Variants in MGMT observed in about 807,000 individuals in gnomAD.
The protein encoded by MGMT is O-6-methylguanine-DNA methyltransferase.
Under a neutral mutation model 15.9 loss-of-function variants are expected in MGMT, and 14 were observed. The ratio of observed to expected loss-of-function variants is 0.88; its 90% CI spans 0.58 to 1.37. MGMT has a LOEUF of 1.37. Among genes scored for constraint, MGMT ranks in the 40% most tolerant of loss-of-function variants. The probability of loss-of-function intolerance (pLI) is 0.00; values close to 1 mark genes in which losing one functional copy is unlikely to be tolerated. For missense variants in MGMT, 282 were observed against 268.1 expected, an observed-to-expected ratio of 1.05 and a Z score of -0.36; for synonymous variants, 130 against 118.2, an observed-to-expected ratio of 1.10 and a Z score of -0.65.
chr10:129,699,953 T>TA (rs1229067501), intron 2 of MGMT, among the ~76,000 whole-genome samples: 16 of 150,810 alleles, frequency 1.1e-4, no homozygotes, highest in Non-Finnish European at 1.5e-4. Flanking sequence ...CAGAAAGTTT[T>TA]AAAAAAAAAA....
At chr10:129,549,341 T>G (rs1207874124) in intron 2 of MGMT, among the ~76,000 whole-genome samples, 1 of 152,206 alleles carries the variant, frequency 6.6e-6, no homozygotes, top group Non-Finnish European at 1.5e-5. Context: ...TGCCTGCAGA[T>G]CCGTGTGCTT....
At chr10:129,523,106 C>T (rs1003489420) in intron 1 of MGMT, among the ~76,000 whole-genome samples, 1 of 152,260 alleles carries the variant, frequency 6.6e-6, no homozygotes, top group African/African-American at 2.4e-5. Flanking sequence ...GACAGACTGT[C>T]ACTGTGCAGC....
At chr10:129,506,569 C>T (rs1228300220) in intron 1 of MGMT, among the ~76,000 whole-genome samples, 1 of 152,116 alleles carries the variant, frequency 6.6e-6, no homozygotes, top group South Asian at 2.1e-4. Context: ...TCATGCCCAG[C>T]GCTGGTGGCT....
At chr10:129,517,504 T>G (rs560388602) in intron 1 of MGMT, among the ~76,000 whole-genome samples, 2 of 152,322 alleles carry the variant, frequency 1.3e-5, no homozygotes, top group South Asian at 2.1e-4. Flanking sequence ...TCGGTTTACC[T>G]TTTGGCTGCC....
intron 2 of MGMT, among the ~76,000 whole-genome samples, chr10:129,548,124 T>C (rs1846116752): frequency 6.6e-6 from 1 of 152,224 alleles, no homozygotes; most frequent in Admixed American, 6.5e-5. Flanking sequence ...AAACATGTTT[T>C]TAAGACTTAA....
At chr10:129,629,115 T>G (rs535010420) in intron 2 of MGMT, among the ~76,000 whole-genome samples, 1 of 152,364 alleles carries the variant, frequency 6.6e-6, no homozygotes, top group South Asian at 2.1e-4. Flanking sequence ...GGCAATGGTC[T>G]ACACCGCCAT....
At chr10:129,504,152 A>G (rs1448363707) in intron 1 of MGMT, among the ~76,000 whole-genome samples, 1 of 152,278 alleles carries the variant, frequency 6.6e-6, no homozygotes, top group African/African-American at 2.4e-5. Context: ...CCTTCAGAAC[A>G]GGAATGCTTG....
chr10:129,737,088 GA>G (rs1848572185), intron 3 of MGMT, among the ~76,000 whole-genome samples: 1 of 151,858 alleles, frequency 6.6e-6, no homozygotes, highest in African/African-American at 2.4e-5. Context: ...TGTATTTCCT[GA>G]ATCTGAATGT....
intron 2 of MGMT, among the ~76,000 whole-genome samples, chr10:129,691,511 A>C (rs1288992481): frequency 6.6e-6 from 1 of 152,256 alleles, no homozygotes; most frequent in African/African-American, 2.4e-5. Flanking sequence ...GCTCCTGAGC[A>C]GCCTTCAAGA....
At chr10:129,714,111 G>C (rs567877322) in intron 3 of MGMT, among the ~76,000 whole-genome samples, 1 of 152,206 alleles carries the variant, frequency 6.6e-6, no homozygotes, top group Non-Finnish European at 1.5e-5. Context: ...GGGCATGCCC[G>C]CAGAGCCCCT....
At chr10:129,605,753 A>G (rs1846881863) in intron 2 of MGMT, among the ~76,000 whole-genome samples, 2 of 152,094 alleles carry the variant, frequency 1.3e-5, no homozygotes, top group South Asian at 2.1e-4. Flanking sequence ...TGTTGTGGAC[A>G]TTTCTTTGTT....
chr10:129,494,413 C>T (rs936071565), intron 1 of MGMT, among the ~76,000 whole-genome samples: 3 of 152,226 alleles, frequency 2.0e-5, no homozygotes, highest in African/African-American at 7.2e-5. Flanking sequence ...TGGCCAGCCA[C>T]TTGCTGCGTG....
intron 3 of MGMT, among the ~76,000 whole-genome samples, chr10:129,754,443 G>C (rs1272289695): frequency 6.6e-6 from 1 of 152,144 alleles, no homozygotes; most frequent in East Asian, 1.9e-4. Flanking sequence ...CCCCTCACTG[G>C]TTTGGGCTCC....
rs1045731239 is a variant in MGMT at position 129,624,015 on chromosome 10, G to A, written c.126-83880G>A. On this transcript the variant is annotated intron_variant, in intron 2 of 4. Transcript: ENST00000651593. ...GCCCCGTGCAGGGGTCTTCCCATGT[G>A]TACCCTGCAGCACCGTCCACCTGTC... Among the ~76,000 whole-genome samples, 3 of 152,222 alleles carry A rather than the reference G, an allele frequency of 2.0e-5. No individual in the cohort carries two copies. In the East Asian group the frequency reaches 5.8e-4, roughly 29 times the overall value.
chr10:129,684,856 T>A (rs1847888248), intron 2 of MGMT, among the ~76,000 whole-genome samples: 1 of 152,228 alleles, frequency 6.6e-6, no homozygotes, highest in African/African-American at 2.4e-5. Context: ...CTCACCTGGA[T>A]TTGTAAAAAT....
At chr10:129,640,902 T>A (rs1486336384) in intron 2 of MGMT, among the ~76,000 whole-genome samples, 2 of 152,196 alleles carry the variant, frequency 1.3e-5, no homozygotes, top group Admixed American at 1.3e-4. Context: ...TAAAAAGGAA[T>A]CTATCAAATA....
At position 129,533,365 on chromosome 10, in the gene MGMT, G is replaced by A. The variant is rs557141811; in HGVS notation, c.-12-2876G>A. Among the ~76,000 whole-genome samples the A allele has an allele frequency of 1.1e-3, 160 of 152,286 alleles. 1 individual carries two copies. The highest frequency in any genetic ancestry group is 3.7e-3 in the African/African-American group (155 of 41,552). The stretch of plus-strand genomic sequence containing the variant: ...TACCTGATGCAGGTGCTCGGGGCTG[G>A]CCAGGATCCCCACCTGAGTCTGGAG... On this transcript the variant is annotated intron_variant, in intron 1 of 4. Coordinates refer to ENST00000651593, the MANE Select transcript of MGMT (RefSeq NM_002412.5). This position sits in a 1 kb window ranked among gnomAD's most constrained non-coding sequence, Gnocchi z 4.5.
At chr10:129,587,778 T>C (rs1409247448) in intron 2 of MGMT, among the ~76,000 whole-genome samples, 1 of 152,182 alleles carries the variant, frequency 6.6e-6, no homozygotes, top group Non-Finnish European at 1.5e-5. Flanking sequence ...AATACAGTTA[T>C]AACGACTATG....
At position 129,658,872 on chromosome 10, in the gene MGMT, G is replaced by A. The variant is rs1003869150; in HGVS notation, c.126-49023G>A. Among the ~76,000 whole-genome samples the A allele has an allele frequency of 1.3e-5, 2 of 152,130 alleles. 1 individual carries two copies. Among genetic ancestry groups the A allele is most frequent in the East Asian group, 3.9e-4 (2 of 5,168 alleles). ...CGTGCCCAACCCTAAGGCTGAAAAC[G>A]CCCCCTGTAGGCTACTGTAAGCTGT... is the stretch of plus-strand genomic sequence containing the variant. On this transcript the variant is annotated intron_variant, in intron 2 of 4. Transcript: ENST00000651593.
Sources: gnomAD v4.1 joint callset for allele counts (sites outside exome capture counted in the v4.1 genomes callset) on GRCh38, gnomAD v4.1.1 for gene constraint, Gnocchi (gnomAD v3.1) non-coding constraint, MANE v1.5 for transcripts, NCBI Gene and HGNC (gene_info 2026-07-23, HGNC 2026-07-21) for gene names.